EIF2S3B: variants seen among roughly 807,000 people sequenced by gnomAD.
EIF2S3B encodes the protein eukaryotic translation initiation factor 2 subunit gamma B, also known as eukaryotic translation initiation factor 2 subunit 3B.
In EIF2S3B, 16 loss-of-function variants were observed where a neutral mutation model predicts 26.4. The observed-to-expected ratio is 0.61, with a 90% CI of 0.41 to 0.92. The LOEUF (loss-of-function observed/expected upper bound fraction) is 0.92, where lower values mean the gene tolerates loss of function less well. Among genes scored for constraint, EIF2S3B ranks in the 40% least tolerant of loss-of-function variants. The pLI, the probability that EIF2S3B is intolerant of heterozygous loss-of-function variation, is 0.00. For synonymous variants in EIF2S3B, 183 were observed against 204.4 expected (o/e 0.90, Z 0.89); for missense variants, 510 against 575.5 (o/e 0.89, Z 1.16).
chr12:10,517,372 C>A (rs1264599466), intron 1 of EIF2S3B, among the ~76,000 whole-genome samples: 9 of 147,546 alleles, frequency 6.1e-5, no homozygotes, highest in Non-Finnish European at 1.2e-4. Flanking sequence ...TTATCCATTT[C>A]TTCTAGATTT....
At chr12:10,516,769 T>G (rs1250327637) in intron 1 of EIF2S3B, among the ~76,000 whole-genome samples, 2 of 152,134 alleles carry the variant, frequency 1.3e-5, no homozygotes, top group African/African-American at 4.8e-5. Context: ...GCTCTTATTA[T>G]TTTGAGATAC....
rs1363075580 is a variant in EIF2S3B at position 10,518,970 on chromosome 12, G to A, written c.1309-3633G>A. ...ATAGATTCAATGCCATCCCCATCAAGCTACCAATGACTTTCTTCACAGAAT... is the reference window on the plus strand; with the variant it reads ...ATAGATTCAATGCCATCCCCATCAAACTACCAATGACTTTCTTCACAGAAT... On this transcript the variant is annotated intron_variant, in intron 1 of 1. Coordinates refer to the EIF2S3B transcript ENST00000322446. Among the ~76,000 whole-genome samples, 10 of 151,844 alleles carry A rather than the reference G, an allele frequency of 6.6e-5. No homozygotes were observed. The East Asian group carries it at 9.7e-4, about 15-fold the overall frequency.
intron 1 of EIF2S3B, among the ~76,000 whole-genome samples, chr12:10,518,377 T>C (rs1207389888): frequency 6.6e-6 from 1 of 152,192 alleles, no homozygotes; most frequent in African/African-American, 2.4e-5. Context: ...TGTCTTTTGA[T>C]CTTTGTTGGT....
downstream of EIF2S3B, among the ~76,000 whole-genome samples, chr12:10,511,747 A>G (rs12299741): frequency 0.19 from 28,752 of 152,148 alleles, 3,348 homozygotes; most frequent in Middle Eastern, 0.28. Context: ...TTTATAATGG[A>G]TTCATTGAAA....
At position 10,521,446 on chromosome 12, in the gene EIF2S3B, T is replaced by C. The variant is rs1184403925; in HGVS notation, c.1309-1157T>C. Reference sequence around the variant, plus strand: ...CCTCAAAGCATATAATATTTGATAGTCCCCAAGGTCAAATAGCTAGTGATA... The same window carrying C: ...CCTCAAAGCATATAATATTTGATAGCCCCCAAGGTCAAATAGCTAGTGATA... On this transcript the variant is annotated intron_variant, in intron 1 of 1. Coordinates refer to the EIF2S3B transcript ENST00000322446. Among the ~76,000 whole-genome samples, 5 of 152,118 alleles carry C rather than the reference T, an allele frequency of 3.3e-5. No homozygotes were observed. The South Asian group carries it at 8.3e-4, about 25-fold the overall frequency.
rs1405177874 is a variant in EIF2S3B at position 10,508,065 on chromosome 12, A to C, written c.*744A>C. Among the ~76,000 whole-genome samples, 16 of 152,212 alleles carry C rather than the reference A, an allele frequency of 1.1e-4. No homozygotes were observed. Among genetic ancestry groups the C allele is most frequent in the Non-Finnish European group, 2.9e-5 (2 of 68,036 alleles). ...AACTTAAAGGCACAAATTATCCTTGAAGACCTTCTCCCTTTTCTTTGGCCC... is the reference window on the plus strand; with the variant it reads ...AACTTAAAGGCACAAATTATCCTTGCAGACCTTCTCCCTTTTCTTTGGCCC... On this transcript the variant is annotated 3_prime_UTR_variant, in exon 1 of 1. Transcript: ENST00000538173.
Position 10,506,733 on chromosome 12 carries a change from T to C in EIF2S3B, c.831T>C (p.Gly277=), listed in dbSNP as rs1184808081. ...PGCEVDDLKG[G]VAGGSILKGV... is the part of the protein sequence containing the mutation. Reference sequence around the variant, plus strand: ...GTGAAGTTGATGACCTTAAGGGAGGTGTAGCTGGTGGTAGTATCCTAAAAG... The same window carrying C: ...GTGAAGTTGATGACCTTAAGGGAGGCGTAGCTGGTGGTAGTATCCTAAAAG... Residue 277 remains glycine (G), a synonymous_variant, in exon 1 of 1, where the codon GGT becomes GGC. Transcript: ENST00000538173. 1 of 1,613,730 alleles carries C rather than the reference T, an allele frequency of 6.2e-7. No individual in the cohort carries two copies. The highest frequency in any genetic ancestry group is 8.5e-7 in the Non-Finnish European group (1 of 1,179,838).
chr12:10,520,446 C>A (rs76934573), intron 1 of EIF2S3B, among the ~76,000 whole-genome samples: 1 of 150,240 alleles, frequency 6.7e-6, no homozygotes, highest in Non-Finnish European at 1.5e-5. Context: ...ACCAGCATGG[C>A]ACATGTATAC....
chr12:10,522,372 CATACT>C (rs1483566060), intron 1 of EIF2S3B, among the ~76,000 whole-genome samples: 1 of 152,034 alleles, frequency 6.6e-6, no homozygotes, highest in African/African-American at 2.4e-5. Context: ...AAACATAATA[CATACT>C]ATGTCTATAA....
downstream of EIF2S3B, among the ~76,000 whole-genome samples, chr12:10,509,520 C>T (rs73062505): frequency 0.11 from 16,786 of 151,884 alleles, 1,150 homozygotes; most frequent in Non-Finnish European, 0.16. Context: ...TTTATAGTTT[C>T]TAATTCTCAT....
At chr12:10,521,746 A>C (rs1391724543) in intron 1 of EIF2S3B, among the ~76,000 whole-genome samples, 1 of 152,218 alleles carries the variant, frequency 6.6e-6, no homozygotes, top group East Asian at 1.9e-4. Context: ...GTGATGACAA[A>C]GTCCACGCAG....
Position 10,508,112 on chromosome 12 carries a change from T to A in EIF2S3B, c.*791T>A, listed in dbSNP as rs1864664832. On this transcript the variant is annotated 3_prime_UTR_variant, in exon 1 of 1. Transcript: ENST00000538173. ...GCCCCATATTTTATGTTGCTTTATC[T>A]TTGAAATTTTGCATGAAAAGGATGC... is the stretch of plus-strand genomic sequence containing the variant. Among the ~76,000 whole-genome samples the A allele has an allele frequency of 1.3e-5, 2 of 152,186 alleles. No homozygotes were observed. Among genetic ancestry groups the A allele is most frequent in the South Asian group, 4.1e-4 (2 of 4,826 alleles).
chr12:10,519,037 G>C (rs1864798815), intron 1 of EIF2S3B, among the ~76,000 whole-genome samples: 1 of 149,250 alleles, frequency 6.7e-6, no homozygotes, highest in Non-Finnish European at 1.5e-5. Flanking sequence ...CCAAAAAAGA[G>C]CCCACATCGC....
downstream of EIF2S3B, among the ~76,000 whole-genome samples, chr12:10,509,721 A>T (rs2137944862): frequency 6.6e-6 from 1 of 152,128 alleles, no homozygotes; most frequent in Non-Finnish European, 1.5e-5. Context: ...TTTTGATAGC[A>T]ATAAAAAATC....
chr12:10,510,650 C>T (rs1591634077), downstream of EIF2S3B, among the ~76,000 whole-genome samples: 1 of 152,240 alleles, frequency 6.6e-6, no homozygotes, highest in East Asian at 1.9e-4. Flanking sequence ...CAGAAAATAG[C>T]ATTCCCCTGT....
intron 1 of EIF2S3B, among the ~76,000 whole-genome samples, chr12:10,514,171 A>G (rs60426997): frequency 0.039 from 5,974 of 152,146 alleles, 397 homozygotes; most frequent in African/African-American, 0.13. Flanking sequence ...AGCCATTGCA[A>G]TCTACTTTCA....
intron 1 of EIF2S3B, among the ~76,000 whole-genome samples, chr12:10,520,175 CA>C (rs1864814922): frequency 6.6e-6 from 1 of 151,428 alleles, no homozygotes; most frequent in African/African-American, 2.4e-5. Context: ...GAATACTATG[CA>C]GCCATAAAAA....
chr12:10,513,105 C>T (rs756467550), downstream of EIF2S3B, among the ~76,000 whole-genome samples: 4 of 152,140 alleles, frequency 2.6e-5, no homozygotes, highest in East Asian at 1.9e-4. Flanking sequence ...ACTATCATAC[C>T]GAATCCTATG....
Position 10,508,182 on chromosome 12 carries a change from C to G in EIF2S3B, c.*861C>G, listed in dbSNP as rs1864665650. Among the ~76,000 whole-genome samples, 1 of 152,052 alleles carries G rather than the reference C, an allele frequency of 6.6e-6. No individual in the cohort carries two copies. Among genetic ancestry groups the G allele is most frequent in the African/African-American group, 2.4e-5 (1 of 41,388 alleles). On this transcript the variant is annotated 3_prime_UTR_variant, in exon 1 of 1. Transcript: ENST00000538173. ...CATGAAAAGGATGCACGAATGGGTT[C>G]GAATGAAATTGTCCTTTAGAGCATG...
Sources: allele counts gnomAD v4.1 joint callset (sites outside exome capture counted in the v4.1 genomes callset), GRCh38; gene constraint gnomAD v4.1.1; transcripts MANE v1.5; gene names NCBI Gene and HGNC (gene_info 2026-07-23, HGNC 2026-07-21).